Variants in ACSBG1 observed in about 807,000 individuals in gnomAD.
ACSBG1 encodes long-chain-fatty-acid--CoA ligase ACSBG1.
A neutral mutation model predicts 80.2 loss-of-function variants in ACSBG1; 39 were observed. The ratio of observed to expected loss-of-function variants is 0.49; its 90% CI spans 0.38 to 0.64. The LOEUF (loss-of-function observed/expected upper bound fraction) is 0.64, where lower values mean the gene tolerates loss of function less well. Ranked by LOEUF, ACSBG1 falls within the 30% of genes least tolerant of loss-of-function variation. The pLI is 0.00. For synonymous variants in ACSBG1, 392 were observed against 379.5 expected, an observed-to-expected ratio of 1.03 and a Z score of -0.38; for missense variants, 828 against 966.4, an observed-to-expected ratio of 0.86 and a Z score of 1.90.
chr15:78,226,541 G>C (rs1288796575), intron 1 of ACSBG1: 1 of 192,252 alleles, frequency 5.2e-6, no homozygotes, highest in Admixed American at 5.9e-5. Context: ...GGAAGGCCAA[G>C]GTGGGAAGAT....
At chr15:78,194,048 T>C (rs1258057010) in intron 3 of ACSBG1, 28 bp from the exon 4 acceptor site, 1 of 1,612,124 alleles carries the variant, frequency 6.2e-7, no homozygotes, top group Admixed American at 1.7e-5. Context: ...ACAGGCCAGG[T>C]CAGCCGGGCA....
rs1480333492 is a variant in ACSBG1 at position 78,234,049 on chromosome 15, C to T, written c.131+322G>A. On this transcript the variant is annotated intron_variant, in intron 1 of 13. Coordinates refer to ENST00000258873, the MANE Select transcript of ACSBG1 (RefSeq NM_015162.5). ...TCTTTGACCCCCGCAGGCAAAAGTC[C>T]CCCTTGAGGAGACAGGGAAACATTC... Among the ~76,000 whole-genome samples the T allele has an allele frequency of 3.3e-5, 5 of 152,194 alleles. No homozygotes were observed. The East Asian group carries it at 9.6e-4, about 29-fold the overall frequency.
chr15:78,191,853 G>T (rs1175537705), intron 5 of ACSBG1, among the ~76,000 whole-genome samples: 1 of 152,128 alleles, frequency 6.6e-6, no homozygotes, highest in Non-Finnish European at 1.5e-5. Flanking sequence ...CACTTATATG[G>T]TGCTGCCATG....
Position 78,182,792 on chromosome 15 carries a change from T to A in ACSBG1, c.664-7A>T. The A allele has an allele frequency of 6.2e-7, 1 of 1,613,974 alleles. No individual in the cohort carries two copies. Among genetic ancestry groups the A allele is most frequent in the Non-Finnish European group, 8.5e-7 (1 of 1,179,956 alleles). On this transcript the variant is annotated splice_region_variant and splice_polypyrimidine_tract_variant and intron_variant, in intron 5 of 13. Coordinates refer to ENST00000258873, the MANE Select transcript of ACSBG1 (RefSeq NM_015162.5). ...GTGGCAACTGTTTCCAGATCTGCAT[T>A]GACAGGAAAAATAGATCAGGTTTCA...
chr15:78,180,645 G>T (rs2074932487), intron 9 of ACSBG1, 110 bp downstream of exon 9: 2 of 1,417,654 alleles, frequency 1.4e-6, no homozygotes, highest in African/African-American at 2.8e-5. Context: ...CTCCAGAGCT[G>T]CCCGGCCACT....
At chr15:78,226,125 C>T (rs770838089) in intron 1 of ACSBG1, among the ~76,000 whole-genome samples, 30 of 152,042 alleles carry the variant, frequency 2.0e-4, no homozygotes, top group Non-Finnish European at 2.1e-4. Flanking sequence ...AAGTGAAATC[C>T]CATCACTTTT....
At chr15:78,195,709 C>A (rs1273110539) in intron 2 of ACSBG1, among the ~76,000 whole-genome samples, 1 of 152,120 alleles carries the variant, frequency 6.6e-6, no homozygotes, top group Non-Finnish European at 1.5e-5. Context: ...GCAAAGGAAG[C>A]TTGGATGGGT....
intron 1 of ACSBG1, among the ~76,000 whole-genome samples, chr15:78,225,260 G>C (rs2141389197): frequency 6.6e-6 from 1 of 152,038 alleles, no homozygotes. Context: ...AATTAGCCAG[G>C]CATGTTGGTG....
chr15:78,222,523 C>T (rs1023581141), intron 1 of ACSBG1, among the ~76,000 whole-genome samples: 8 of 152,062 alleles, frequency 5.3e-5, no homozygotes, highest in African/African-American at 1.9e-4. Context: ...ATTAGCCAGA[C>T]ATGGTGACAG....
intron 2 of ACSBG1, chr15:78,207,712 G>C (rs952204528): frequency 2.4e-6 from 1 of 413,686 alleles, no homozygotes; most frequent in African/African-American, 2.0e-5. Context: ...CCCAAGGCCT[G>C]GGCCCAGATG....
rs752469420 is a variant in ACSBG1 at position 78,194,523 on chromosome 15, C to T, written c.436G>A (p.Ala146Thr). Residue 146 changes from alanine (A) to threonine (T), a missense_variant, in exon 3 of 14, where the codon GCC becomes ACC. By Grantham distance (58) the Ala-to-Thr change is moderately conservative (BLOSUM62 0). Around this residue, in one of 3 missense-constraint regions of ACSBG1, gnomAD observed 356 missense variants for 363.5 expected, o/e 0.98. Transcript: ENST00000258873. ...SQYYLLARRA[A>T]KGFLKLGLKQ... ...CCCCTTACCTTCAGGAAGCCCTTGGCGGCTCTGCGGGCGAGCAGGTAGTAT... is the reference window on the plus strand; with the variant it reads ...CCCCTTACCTTCAGGAAGCCCTTGGTGGCTCTGCGGGCGAGCAGGTAGTAT... The T allele has an allele frequency of 3.1e-6, 5 of 1,614,034 alleles. No individual in the cohort carries two copies. The highest frequency in any genetic ancestry group is 1.3e-5 in the African/African-American group (1 of 74,944).
rs1228946611 is a variant in ACSBG1 at position 78,171,379 on chromosome 15, G to A, written c.*65C>T. On this transcript the variant is annotated 3_prime_UTR_variant, in exon 14 of 14. Transcript: ENST00000258873. ...CCTGTGCCCAGACTGAAGAGACCTG[G>A]GGCTCAGGAAGAGGCTCGGAACGCC... The A allele has an allele frequency of 7.2e-7, 1 of 1,392,760 alleles. No individual in the cohort carries two copies. 86.3% of individuals were successfully genotyped at this position (1,392,760 alleles called of 1,614,324 possible).
chr15:78,197,573 G>T (rs1340001801), intron 2 of ACSBG1, among the ~76,000 whole-genome samples: 1 of 151,820 alleles, frequency 6.6e-6, no homozygotes, highest in Non-Finnish European at 1.5e-5. Flanking sequence ...ACAAAAATTT[G>T]CTGGTGGTGG....
intron 5 of ACSBG1, among the ~76,000 whole-genome samples, chr15:78,183,898 G>A (rs2074974290): frequency 6.6e-6 from 1 of 150,570 alleles, no homozygotes; most frequent in South Asian, 2.1e-4. Flanking sequence ...GGGTGGGGCG[G>A]GGAACACTAC....
chr15:78,179,740 C>T lies in ACSBG1; in HGVS notation c.1294G>A (p.Val432Met). The T allele has an allele frequency of 1.2e-6, 2 of 1,613,842 alleles. No homozygotes were observed. Among genetic ancestry groups the T allele is most frequent in the Non-Finnish European group, 1.7e-6 (2 of 1,180,004 alleles). ...AGTGCCTGGCGAACCTTGGCTAGCACCAGGTAATCTGCCAGTCTGGTTGTG... is the reference window on the plus strand; with the variant it reads ...AGTGCCTGGCGAACCTTGGCTAGCATCAGGTAATCTGCCAGTCTGGTTGTG... ...PFTTRLADYL[V>M]LAKVRQALGF... The change falls in exon 10 of 14, where the codon GTG (valine) becomes ATG (methionine). Residue 432 changes from valine (V) to methionine (M), a missense_variant. Val to Met is a conservative substitution (Grantham distance 21, BLOSUM62 1). This residue lies in a region of ACSBG1 where 271 missense variants were observed against 375.9 expected (regional missense o/e 0.72). Coordinates refer to ENST00000258873, the MANE Select transcript of ACSBG1 (RefSeq NM_015162.5).
At chr15:78,182,405 T>C in intron 7 of ACSBG1, 61 bp downstream of exon 7, 4 of 1,592,224 alleles carry the variant, frequency 2.5e-6, no homozygotes, top group Non-Finnish European at 3.4e-6. Flanking sequence ...GGCAGAGCCA[T>C]GGCCCAGATC....
At chr15:78,233,124 G>C (rs1480562334) in intron 1 of ACSBG1, among the ~76,000 whole-genome samples, 1 of 152,220 alleles carries the variant, frequency 6.6e-6, no homozygotes, top group Non-Finnish European at 1.5e-5. Context: ...GAGGAAGTCA[G>C]TCCAGCTTTC....
In ACSBG1 at chr15:78,179,552, G is replaced by A. The variant is rs368540674; in HGVS notation, c.1482C>T (p.Tyr494=). The change falls in exon 10 of 14, where the codon TAC becomes TAT. Residue 494 remains tyrosine (Y), a splice_region_variant and synonymous_variant. Coordinates refer to ENST00000258873, the MANE Select transcript of ACSBG1 (RefSeq NM_015162.5). ...TGTGTGGCAGCCTCGAGCCTCACCT[G>A]TACAGCCGGTAGTTGTAGGGACTGG... The part of the protein sequence containing the change: ...FMSSPYNYRL[Y]SSGKLVPGCR... 46 of 1,611,514 alleles carry A rather than the reference G, an allele frequency of 2.9e-5. No homozygotes were observed. Among genetic ancestry groups the A allele is most frequent in the East Asian group, 4.5e-5 (2 of 44,804 alleles).
chr15:78,183,829 G>A (rs966895764), intron 5 of ACSBG1, among the ~76,000 whole-genome samples: 1 of 146,692 alleles, frequency 6.8e-6, no homozygotes, highest in Non-Finnish European at 1.5e-5. Context: ...GATTGCTTGA[G>A]GCCAGGAGTT....
Sources: gnomAD v4.1 joint callset for allele counts (sites outside exome capture counted in the v4.1 genomes callset) on GRCh38, gnomAD v4.1.1 for gene constraint, gnomAD v4.1.1 regional missense constraint, MANE v1.5 for transcripts, NCBI Gene and HGNC (gene_info 2026-07-23, HGNC 2026-07-21) for gene names.